Variants in SLC12A2 observed in about 807,000 individuals in gnomAD.
SLC12A2 encodes the protein Na-K-2Cl cotransporter 1.
SLC12A2 carries 67 observed loss-of-function variants against 136.3 expected under a neutral mutation model. The observed-to-expected ratio is 0.49, with a 90% CI of 0.40 to 0.60. SLC12A2 has a LOEUF of 0.60. Among genes scored for constraint, SLC12A2 ranks in the 20% least tolerant of loss-of-function variants. The pLI, the probability that SLC12A2 is intolerant of heterozygous loss-of-function variation, is 0.00. For missense variants in SLC12A2, 1,322 were observed against 1,534.7 expected, an observed-to-expected ratio of 0.86 and a Z score of 2.32; for synonymous variants, 619 against 562.9, an observed-to-expected ratio of 1.10 and a Z score of -1.41.
intron 10 of SLC12A2, among the ~76,000 whole-genome samples, chr5:128,144,108 G>A (rs555191084): frequency 5.7e-4 from 87 of 152,154 alleles, no homozygotes; most frequent in African/African-American, 2.0e-3. Flanking sequence ...TTGATACTGT[G>A]TATGGAAGGC....
intron 5 of SLC12A2, among the ~76,000 whole-genome samples, 183 bp downstream of exon 5, chr5:128,131,389 C>T (rs550189960): frequency 2.6e-5 from 4 of 152,238 alleles, no homozygotes; most frequent in East Asian, 3.9e-4. Flanking sequence ...GTGGGCCGGG[C>T]GCGGTGGCTC....
rs765329360 is a variant in SLC12A2, at chr5:128,112,788, T to C, written c.757-26T>C. 6.4e-6 allele frequency: 10 copies of C among 1,562,828 alleles called. No individual in the cohort carries two copies. The Admixed American group carries it at 1.9e-4, about 29-fold the overall frequency. On this transcript the variant is annotated intron_variant, in intron 1 of 26. Transcript: ENST00000262461. ...GATTTTAAATTTTAAATGTTAAGCA[T>C]AATTCATATTTCTTTTTATAACCAG...
chr5:128,092,003 C>T (rs962720069), intron 1 of SLC12A2, among the ~76,000 whole-genome samples: 2 of 152,138 alleles, frequency 1.3e-5, no homozygotes, highest in Non-Finnish European at 2.9e-5. Context: ...GTATGCTAGC[C>T]ATTTTGGAGA....
rs771969934 is a variant in SLC12A2 at position 128,150,068 on chromosome 5, G to C, written c.2077G>C (p.Val693Leu). Residue 693 changes from valine to leucine, a missense_variant, in exon 13 of 27, where the codon GTA (valine) becomes CTA (leucine). By Grantham distance (32) the Val-to-Leu change is conservative (BLOSUM62 1). Coordinates refer to ENST00000262461, the MANE Select transcript of SLC12A2 (RefSeq NM_001046.3). ...LASYALINFSVFHASLAKSPG... is the reference protein window; with the variant it reads ...LASYALINFSLFHASLAKSPG... ...ATCATATGCATTGATCAATTTTTCAGTATTCCATGCATCACTTGCAAAATC... is the reference window on the plus strand; with the variant it reads ...ATCATATGCATTGATCAATTTTTCACTATTCCATGCATCACTTGCAAAATC... The C allele has an allele frequency of 6.2e-7, 1 of 1,607,756 alleles. No individual in the cohort carries two copies. The highest frequency in any genetic ancestry group is 1.7e-5 in the Admixed American group (1 of 59,892).
chr5:128,134,005 G>A (rs1168642595), intron 5 of SLC12A2, among the ~76,000 whole-genome samples, 160 bp from the exon 6 acceptor site: 1 of 151,992 alleles, frequency 6.6e-6, no homozygotes, highest in Non-Finnish European at 1.5e-5. Context: ...GTGGTAAATA[G>A]TAATTTGTTC....
At chr5:128,092,334 A>G (rs550487781) in intron 1 of SLC12A2, among the ~76,000 whole-genome samples, 14 of 152,234 alleles carry the variant, frequency 9.2e-5, no homozygotes, top group African/African-American at 3.4e-4. Context: ...TGATTAAAAC[A>G]TTTAGCTGCA....
intron 20 of SLC12A2, among the ~76,000 whole-genome samples, chr5:128,175,948 C>T (rs1266148486): frequency 6.6e-6 from 1 of 151,886 alleles, no homozygotes; most frequent in East Asian, 1.9e-4. Flanking sequence ...TTTTCCATTA[C>T]AAGTTTAAGA....
chr5:128,161,865 T>C (rs1763050286), intron 17 of SLC12A2, 65 bp downstream of exon 17: 1 of 1,095,984 alleles, frequency 9.1e-7, no homozygotes. Flanking sequence ...TAAAACTTTT[T>C]AATTCTAGAT....
rs140507218 is a variant in SLC12A2 at position 128,189,218 on chromosome 5, T to C, written c.*2587T>C. 1 of 152,324 alleles carries C rather than the reference T, an allele frequency of 6.6e-6. No homozygotes were observed. Among genetic ancestry groups the C allele is most frequent in the Admixed American group, 6.5e-5 (1 of 15,296 alleles). The allele number at this position is 152,324 out of a possible 1,614,324, so 9.4% of individuals were successfully genotyped here. On this transcript the variant is annotated 3_prime_UTR_variant, in exon 27 of 27. Transcript: ENST00000262461. ...CTAGTGTTGAAGCTAAAAATAGCTT[T>C]ATTTATGCTGAATTGTGATTTTTTT...
At chr5:128,164,840 C>CTT in intron 17 of SLC12A2, among the ~76,000 whole-genome samples, 2 of 146,948 alleles carry the variant, frequency 1.4e-5, no homozygotes, top group African/African-American at 5.2e-5. Context: ...CACAACAAAA[C>CTT]TGTTTTGTTT....
At chr5:128,180,514 A>G (rs1332193828) in intron 22 of SLC12A2, among the ~76,000 whole-genome samples, 1 of 152,196 alleles carries the variant, frequency 6.6e-6, no homozygotes, top group Non-Finnish European at 1.5e-5. Context: ...CTGTGGAGAT[A>G]TAAATGGAGA....
At chr5:128,147,395 C>A (rs79577834) in intron 10 of SLC12A2, among the ~76,000 whole-genome samples, 2,079 of 151,700 alleles carry the variant, frequency 0.014, 50 homozygotes, top group African/African-American at 0.048. Flanking sequence ...CTTCTCTCTG[C>A]CATTGTGTGT....
intron 19 of SLC12A2, among the ~76,000 whole-genome samples, chr5:128,174,189 G>T (rs1763469747): frequency 6.6e-6 from 1 of 152,120 alleles, no homozygotes; most frequent in South Asian, 2.1e-4. Flanking sequence ...AACCTGAAGA[G>T]TTTCAGAATT....
intron 10 of SLC12A2, among the ~76,000 whole-genome samples, chr5:128,145,578 C>G (rs997637536): frequency 6.6e-6 from 1 of 152,008 alleles, no homozygotes; most frequent in African/African-American, 2.4e-5. Context: ...AGAAAATAAT[C>G]TTTTCAGATT....
rs773125552 is a variant in SLC12A2, at chr5:128,151,235, T to G, written c.2108-6T>G. On this transcript the variant is annotated splice_region_variant and splice_polypyrimidine_tract_variant and intron_variant, in intron 13 of 26. Coordinates refer to ENST00000262461, the MANE Select transcript of SLC12A2 (RefSeq NM_001046.3). ...TGTGTGACTTTTATTTATTTGTTAT[T>G]GTTAGGATGGCGTCCTGCATTCAAA... The G allele has an allele frequency of 6.2e-7, 1 of 1,600,374 alleles. No individual in the cohort carries two copies. The highest frequency in any genetic ancestry group is 1.8e-5 in the Admixed American group (1 of 56,672).
chr5:128,126,452 C>T (rs1345772030), intron 4 of SLC12A2, among the ~76,000 whole-genome samples: 1 of 152,020 alleles, frequency 6.6e-6, no homozygotes, highest in Non-Finnish European at 1.5e-5. Flanking sequence ...TTAGTATAAC[C>T]GCTATGGAGG....
At chr5:128,161,438 A>G (rs1269884356) in intron 16 of SLC12A2, among the ~76,000 whole-genome samples, 1 of 152,112 alleles carries the variant, frequency 6.6e-6, no homozygotes, top group Non-Finnish European at 1.5e-5. Context: ...TTCTTCTCTT[A>G]TTCTTTCTAC....
chr5:128,141,059 C>A (rs1322573196), intron 9 of SLC12A2, among the ~76,000 whole-genome samples: 1 of 152,030 alleles, frequency 6.6e-6, no homozygotes. Flanking sequence ...ATGGTAATTA[C>A]CATTAGTTGT....
Position 128,084,493 on chromosome 5 carries a change from G to A in SLC12A2, c.539G>A (p.Ser180Asn). Reference protein sequence around the residue: ...SFQNGGDTVLSEGSSLHSGGG... With the variant: ...SFQNGGDTVLNEGSSLHSGGG... Reference sequence around the variant, plus strand: ...CAGAACGGCGGGGACACGGTGCTGAGCGAGGGCAGCAGCCTGCACTCCGGC... The same window carrying A: ...CAGAACGGCGGGGACACGGTGCTGAACGAGGGCAGCAGCCTGCACTCCGGC... The change falls in exon 1 of 27, where the codon AGC becomes AAC. Residue 180 changes from serine to asparagine, a missense_variant. Coordinates refer to ENST00000262461, the MANE Select transcript of SLC12A2 (RefSeq NM_001046.3). The surrounding 1 kb of genome is among the most constrained non-coding windows in gnomAD (Gnocchi z 5.6). 2 of 1,612,032 alleles carry A rather than the reference G, an allele frequency of 1.2e-6. No homozygotes were observed. The highest frequency in any genetic ancestry group is 1.7e-6 in the Non-Finnish European group (2 of 1,179,586).
Sources: gnomAD v4.1 joint callset for allele counts (sites outside exome capture counted in the v4.1 genomes callset) on GRCh38, gnomAD v4.1.1 for gene constraint, Gnocchi (gnomAD v3.1) non-coding constraint, MANE v1.5 for transcripts, NCBI Gene and HGNC (gene_info 2026-07-23, HGNC 2026-07-21) for gene names.